Variants in FNDC3A observed in about 807,000 individuals in gnomAD.
FNDC3A encodes the protein fibronectin type-III domain-containing protein 3A.
A neutral mutation model predicts 148.9 loss-of-function variants in FNDC3A; 32 were observed. That is an observed-to-expected ratio of 0.21 (90% CI 0.16 to 0.29). The LOEUF (loss-of-function observed/expected upper bound fraction) is 0.29, where lower values mean the gene tolerates loss of function less well. FNDC3A is among the 10% of genes least tolerant of loss of function. FNDC3A has a pLI of 1.00. For missense variants in FNDC3A, 1,191 were observed against 1,452.8 expected (o/e 0.82, Z 2.93); for synonymous variants, 472 against 473.6 (o/e 1.00, Z 0.04).
In FNDC3A at chr13:49,208,691, A is replaced by C. The variant is rs926661470; in HGVS notation, c.*1296A>C. The C allele has an allele frequency of 9.8e-5, 15 of 152,664 alleles. No homozygotes were observed. The highest frequency in any genetic ancestry group is 6.5e-4 in the Admixed American group (10 of 15,278). The allele number at this position is 152,664 out of a possible 1,614,324, so 9.5% of individuals were successfully genotyped here. A position where few individuals can be genotyped will look rare whatever the true frequency, so the allele number is the denominator to read the frequency against. On this transcript the variant is annotated 3_prime_UTR_variant, in exon 26 of 26. Transcript: ENST00000492622. Reference sequence around the variant, plus strand: ...TAGATGTCGATGACTGCAAGTAATAATACAGTTTATAATGAAACTATCTAC... The same window carrying C: ...TAGATGTCGATGACTGCAAGTAATACTACAGTTTATAATGAAACTATCTAC...
At chr13:49,187,064 T>C (rs2138093908) in intron 15 of FNDC3A, 58 bp from the exon 16 acceptor site, 1 of 1,327,554 alleles carries the variant, frequency 7.5e-7, no homozygotes, top group East Asian at 2.3e-5. Context: ...TTAGGTTTTT[T>C]TTATCATTTT....
At chr13:49,035,181 G>C (rs1176274795) in intron 2 of FNDC3A, among the ~76,000 whole-genome samples, 1 of 152,040 alleles carries the variant, frequency 6.6e-6, no homozygotes, top group Non-Finnish European at 1.5e-5. Flanking sequence ...CCACACATGT[G>C]TATAAGTTCA....
At chr13:49,141,771 A>T (rs1882704339) in intron 7 of FNDC3A, among the ~76,000 whole-genome samples, 1 of 152,214 alleles carries the variant, frequency 6.6e-6, no homozygotes, top group Non-Finnish European at 1.5e-5. Flanking sequence ...AATATATTGT[A>T]CATAATCTAG....
rs533029595 is a variant in FNDC3A at position 49,057,934 on chromosome 13, C to T, written c.100-17355C>T. On this transcript the variant is annotated intron_variant, in intron 2 of 25. Transcript: ENST00000492622. ...AAATACTATGGACTGAATTGTATCT[C>T]CCCCCCAAAATTTATATGTTGAAGT... is the stretch of plus-strand genomic sequence containing the variant. 2.0e-5 allele frequency among the ~76,000 whole-genome samples: 3 copies of T among 152,024 alleles called. No individual in the cohort carries two copies. The East Asian group carries it at 5.8e-4, about 29-fold the overall frequency.
intron 2 of FNDC3A, among the ~76,000 whole-genome samples, chr13:49,008,937 T>TTATTAATA (rs71076062): frequency 3.3e-5 from 5 of 151,182 alleles, no homozygotes; most frequent in African/African-American, 1.2e-4. Context: ...GTTTCTTCAT[T>TTATTAATA]TATTAGTGTG....
chr13:49,158,253 C>G (rs925486075), intron 8 of FNDC3A, among the ~76,000 whole-genome samples: 1 of 152,176 alleles, frequency 6.6e-6, no homozygotes, highest in African/African-American at 2.4e-5. Context: ...GTCGGAGAAG[C>G]GCAATATTCG....
intron 2 of FNDC3A, among the ~76,000 whole-genome samples, chr13:49,047,835 G>C (rs1875533226): frequency 6.6e-6 from 1 of 152,082 alleles, no homozygotes; most frequent in Non-Finnish European, 1.5e-5. Context: ...TATTGCATTT[G>C]CTTTTGGGTT....
intron 2 of FNDC3A, among the ~76,000 whole-genome samples, chr13:49,066,734 G>T (rs1236803557): frequency 1.3e-5 from 2 of 149,482 alleles, no homozygotes; most frequent in Admixed American, 1.3e-4. Flanking sequence ...TGGGATACAT[G>T]TGCAGAACAT....
chr13:49,165,334 T>C (rs574228930), intron 8 of FNDC3A, among the ~76,000 whole-genome samples: 5 of 152,328 alleles, frequency 3.3e-5, no homozygotes, highest in African/African-American at 1.2e-4. Context: ...AGGGGAGGAC[T>C]TTTTCCTGAA....
chr13:49,101,044 T>C (rs1879827681), intron 3 of FNDC3A, among the ~76,000 whole-genome samples: 1 of 152,204 alleles, frequency 6.6e-6, no homozygotes, highest in African/African-American at 2.4e-5. Context: ...TTAAGGCCTC[T>C]GAACGGGATA....
intron 1 of FNDC3A, among the ~76,000 whole-genome samples, chr13:48,984,877 G>A (rs1453435875): frequency 6.6e-6 from 1 of 151,966 alleles, no homozygotes; most frequent in Non-Finnish European, 1.5e-5. Context: ...TAGAGACGGG[G>A]TTTCACCATG....
intron 7 of FNDC3A, 135 bp from the exon 8 acceptor site, chr13:49,145,643 G>C (rs1882949710): frequency 2.9e-6 from 2 of 696,518 alleles, no homozygotes; most frequent in South Asian, 3.7e-5. Context: ...CAATGGGCAG[G>C]TTTATATTTG....
chr13:49,178,935 C>T (rs1566309668), intron 14 of FNDC3A, among the ~76,000 whole-genome samples: 1 of 152,118 alleles, frequency 6.6e-6, no homozygotes, highest in Non-Finnish European at 1.5e-5. Context: ...CCATCTTGCC[C>T]AGGCTGATCT....
intron 3 of FNDC3A, among the ~76,000 whole-genome samples, chr13:49,088,040 C>T (rs1260402015): frequency 6.6e-6 from 1 of 152,080 alleles, no homozygotes; most frequent in Non-Finnish European, 1.5e-5. Context: ...CTTTGATTGG[C>T]ATTAGCTTCA....
chr13:49,012,675 G>T (rs1446547755), intron 2 of FNDC3A, among the ~76,000 whole-genome samples: 1 of 152,136 alleles, frequency 6.6e-6, no homozygotes, highest in Non-Finnish European at 1.5e-5. Flanking sequence ...AATTGTTGAA[G>T]TTGGTGTATT....
intron 2 of FNDC3A, among the ~76,000 whole-genome samples, chr13:49,016,436 G>A (rs1443926417): frequency 2.0e-5 from 3 of 152,072 alleles, no homozygotes; most frequent in African/African-American, 7.2e-5. Flanking sequence ...ATTTCTGTGG[G>A]ATCTGGTGAT....
intron 2 of FNDC3A, among the ~76,000 whole-genome samples, chr13:49,052,345 G>A (rs755379544): frequency 1.2e-4 from 19 of 152,128 alleles, no homozygotes; most frequent in Non-Finnish European, 2.1e-4. Flanking sequence ...AAGAGTTGCT[G>A]TTCAGATTCT....
At chr13:49,158,721 A>G (rs1190896302) in intron 8 of FNDC3A, among the ~76,000 whole-genome samples, 1 of 152,190 alleles carries the variant, frequency 6.6e-6, no homozygotes, top group Non-Finnish European at 1.5e-5. Flanking sequence ...GGTAATGCCT[A>G]GGTTTTTCTT....
chr13:49,178,025 AT>A (rs1328223954), intron 13 of FNDC3A, among the ~76,000 whole-genome samples: 1 of 152,130 alleles, frequency 6.6e-6, no homozygotes, highest in Non-Finnish European at 1.5e-5. Context: ...TTATATCTCA[AT>A]TTTTTTAATT....
Sources: allele counts gnomAD v4.1 joint callset (sites outside exome capture counted in the v4.1 genomes callset), GRCh38; gene constraint gnomAD v4.1.1; transcripts MANE v1.5; gene names NCBI Gene and HGNC (gene_info 2026-07-23, HGNC 2026-07-21).